BDNF: variants seen among roughly 807,000 people sequenced by gnomAD.
BDNF encodes neurotrophic factor BDNF precursor form.
Under a neutral mutation model 19.5 loss-of-function variants are expected in BDNF, and 1 was observed. The observed-to-expected ratio is 0.05, with a 90% CI of 0.02 to 0.24. BDNF has a LOEUF of 0.24. BDNF is among the 10% of genes least tolerant of loss of function. BDNF has a pLI of 1.00. For missense variants in BDNF, 195 were observed against 317.6 expected (o/e 0.61, Z 2.93); for synonymous variants, 100 against 121.6 (o/e 0.82, Z 1.17).
chr11:27,718,007 G>A (rs1564998573), intron 1 of BDNF, among the ~76,000 whole-genome samples: 1 of 151,978 alleles, frequency 6.6e-6, no homozygotes. Context: ...CAATTTTCTC[G>A]ATTCAACTGT....
chr11:27,703,498 C>T (rs964025337), upstream of BDNF, among the ~76,000 whole-genome samples: 5 of 152,194 alleles, frequency 3.3e-5, no homozygotes, highest in Non-Finnish European at 7.3e-5. Flanking sequence ...CTGAAGGCTG[C>T]TCACTTAGAA....
intron 1 of BDNF, among the ~76,000 whole-genome samples, chr11:27,713,343 A>G (rs1026671707): frequency 4.6e-5 from 7 of 152,224 alleles, no homozygotes; most frequent in African/African-American, 7.2e-5. Context: ...GAGAACAGTC[A>G]ATTCAAGAGC....
At chr11:27,712,213 T>C (rs1226515171) in intron 1 of BDNF, among the ~76,000 whole-genome samples, 1 of 152,222 alleles carries the variant, frequency 6.6e-6, no homozygotes, top group Non-Finnish European at 1.5e-5. Flanking sequence ...TAATAAGTGC[T>C]TCTCAAGTGT....
chr11:27,668,078 A>G (rs926213779), intron 1 of BDNF, among the ~76,000 whole-genome samples: 3 of 152,246 alleles, frequency 2.0e-5, no homozygotes, highest in Non-Finnish European at 4.4e-5. Flanking sequence ...CTCTCAGACT[A>G]CAGTGCTTTC....
chr11:27,657,848 A>G lies in BDNF; in HGVS notation c.717T>C (p.Cys239=). ...RFIRIDTSCV[C]TLTIKRGR is the part of the protein sequence containing the mutation. ...ATCTTCCCCTTTTAATGGTCAATGTACATACACAAGAAGTGTCTATCCTTA... is the reference window on the plus strand; with the variant it reads ...ATCTTCCCCTTTTAATGGTCAATGTGCATACACAAGAAGTGTCTATCCTTA... The change falls in exon 2 of 2, where the codon TGT becomes TGC. Residue 239 remains cysteine, a synonymous_variant. Coordinates refer to ENST00000356660, the MANE Select transcript of BDNF (RefSeq NM_001709.5). This position sits in a 1 kb window ranked among gnomAD's most constrained non-coding sequence, Gnocchi z 5.0. The G allele has an allele frequency of 4.3e-6, 7 of 1,614,206 alleles. No individual in the cohort carries two copies. Among genetic ancestry groups the G allele is most frequent in the Non-Finnish European group, 5.1e-6 (6 of 1,180,004 alleles).
rs1852536868 is a variant in BDNF, at chr11:27,656,291, A to G, written c.*1530T>C. On this transcript the variant is annotated 3_prime_UTR_variant, in exon 2 of 2. Coordinates refer to ENST00000356660, the MANE Select transcript of BDNF (RefSeq NM_001709.5). ...TCACAAATGCCACATTTGGCTCCCA[A>G]CCTGCTCCAGGCTAATCCAATTTTA... 6.5e-6 allele frequency: 1 copy of G among 154,056 alleles called. No homozygotes were observed. The highest frequency in any genetic ancestry group is 1.4e-5 in the Non-Finnish European group (1 of 69,706). The allele number at this position is 154,056 out of a possible 1,614,324, so 9.5% of individuals were successfully genotyped here. A position where few individuals can be genotyped will look rare whatever the true frequency, so the allele number is the denominator to read the frequency against.
chr11:27,716,387 T>A (rs1282829672), intron 1 of BDNF, among the ~76,000 whole-genome samples: 1 of 151,290 alleles, frequency 6.6e-6, no homozygotes, highest in Non-Finnish European at 1.5e-5. Flanking sequence ...TTTAAGAGAC[T>A]CACTGCTTGT....
chr11:27,690,932 C>T (rs150941222), intron 1 of BDNF, among the ~76,000 whole-genome samples: 2 of 151,866 alleles, frequency 1.3e-5, no homozygotes, highest in East Asian at 3.9e-4. Context: ...AAATCATAGA[C>T]TCAAACACCA....
chr11:27,714,146 C>T (rs1860434138), intron 1 of BDNF, among the ~76,000 whole-genome samples: 1 of 152,128 alleles, frequency 6.6e-6, no homozygotes, highest in South Asian at 2.1e-4. Flanking sequence ...GCAATCTAGC[C>T]AATCCCAGGG....
At chr11:27,711,493 G>C (rs918213099) in intron 1 of BDNF, among the ~76,000 whole-genome samples, 4 of 152,206 alleles carry the variant, frequency 2.6e-5, no homozygotes, top group African/African-American at 9.6e-5. Flanking sequence ...AAGAGTTGTG[G>C]TCAAGATCTT....
Position 27,657,738 on chromosome 11 carries a change from A to G in BDNF, c.*83T>C. 1 of 1,571,676 alleles carries G rather than the reference A, an allele frequency of 6.4e-7. No individual in the cohort carries two copies. Among genetic ancestry groups the G allele is most frequent in the Non-Finnish European group, 8.6e-7 (1 of 1,162,704 alleles). On this transcript the variant is annotated 3_prime_UTR_variant, in exon 2 of 2. Coordinates refer to ENST00000356660, the MANE Select transcript of BDNF (RefSeq NM_001709.5). This position sits in a 1 kb window ranked among gnomAD's most constrained non-coding sequence, Gnocchi z 5.0. Reference sequence around the variant, plus strand: ...AGTTCATAAAATTATTTTTTTCTTAACTGAATAATTTACCCTGTTATGTAT... The same window carrying G: ...AGTTCATAAAATTATTTTTTTCTTAGCTGAATAATTTACCCTGTTATGTAT...
intron 1 of BDNF, chr11:27,659,180 A>G (rs1852990287): frequency 1.5e-5 from 15 of 1,000,454 alleles, no homozygotes; most frequent in Non-Finnish European, 1.8e-5. Flanking sequence ...GAGATACTCT[A>G]TTATAGCAAA....
chr11:27,710,706 G>T (rs1476067252), intron 1 of BDNF, among the ~76,000 whole-genome samples: 1 of 152,242 alleles, frequency 6.6e-6, no homozygotes, highest in Non-Finnish European at 1.5e-5. Context: ...TGTCTTTGGA[G>T]AGGGTGTTCC....
At chr11:27,692,853 T>C (rs1324036580) in intron 1 of BDNF, among the ~76,000 whole-genome samples, 1 of 152,210 alleles carries the variant, frequency 6.6e-6, no homozygotes, top group Admixed American at 6.5e-5. Flanking sequence ...AAAATAAGGA[T>C]GTCAAAAATA....
chr11:27,665,908 T>TGAAAAGA (rs1386118841), intron 1 of BDNF, among the ~76,000 whole-genome samples: 2 of 152,130 alleles, frequency 1.3e-5, no homozygotes, highest in African/African-American at 4.8e-5. Flanking sequence ...CTGACAGCTT[T>TGAAAAGA]GAAAAGAGTA....
intron 1 of BDNF, chr11:27,719,683 G>A: frequency 5.1e-6 from 5 of 983,726 alleles, no homozygotes; most frequent in Non-Finnish European, 6.0e-6. Context: ...GAGGAGCGAG[G>A]GCGACGGAGA....
At position 27,656,827 on chromosome 11, in the gene BDNF, T is replaced by G. The variant is rs1488566227; in HGVS notation, c.*994A>C. 1.0e-6 allele frequency: 1 copy of G among 985,328 alleles called. No individual in the cohort carries two copies. Among genetic ancestry groups the G allele is most frequent in the Non-Finnish European group, 1.2e-6 (1 of 829,946 alleles). 61.0% of individuals were successfully genotyped at this position (985,328 alleles called of 1,614,324 possible). A position where few individuals can be genotyped will look rare whatever the true frequency, so the allele number is the denominator to read the frequency against. ...TTTCTGTTCTAAAAAAAAATCACTG[T>G]TCTCCATGCTTATACGAGTGTCATG... On this transcript the variant is annotated 3_prime_UTR_variant, in exon 2 of 2. Coordinates refer to ENST00000356660, the MANE Select transcript of BDNF (RefSeq NM_001709.5).
chr11:27,700,153 C>A lies in BDNF; in HGVS notation c.-22+11G>T. The A allele has an allele frequency of 1.0e-6, 1 of 985,856 alleles. No individual in the cohort carries two copies. Among genetic ancestry groups the A allele is most frequent in the Non-Finnish European group, 1.2e-6 (1 of 830,292 alleles). The allele number at this position is 985,856 out of a possible 1,614,324, so 61.1% of individuals were successfully genotyped here. The stretch of plus-strand genomic sequence containing the variant: ...CTCCTGCACCAAGCCCCATTCCCAG[C>A]GCTTGCCTACCTCGGGGTCCACACA... On this transcript the variant is annotated intron_variant, in intron 1 of 1. Coordinates refer to ENST00000356660, the MANE Select transcript of BDNF (RefSeq NM_001709.5).
Position 27,655,598 on chromosome 11 carries a change from A to G in BDNF, c.*2223T>C, listed in dbSNP as rs1175499986. The G allele has an allele frequency of 6.6e-6, 1 of 152,254 alleles. No homozygotes were observed. The allele number at this position is 152,254 out of a possible 1,614,324, so 9.4% of individuals were successfully genotyped here. ...CACTACGTAAAGTCTTCCTTCTTTC[A>G]AAGAGGTATTCAGATGGTACTGTGA... On this transcript the variant is annotated 3_prime_UTR_variant, in exon 2 of 2. Coordinates refer to ENST00000356660, the MANE Select transcript of BDNF (RefSeq NM_001709.5).
Sources: gnomAD v4.1 joint callset for allele counts (sites outside exome capture counted in the v4.1 genomes callset) on GRCh38, gnomAD v4.1.1 for gene constraint, Gnocchi (gnomAD v3.1) non-coding constraint, MANE v1.5 for transcripts, NCBI Gene and HGNC (gene_info 2026-07-23, HGNC 2026-07-21) for gene names.